Variants in PRDM16 observed in about 807,000 individuals in gnomAD.
PRDM16 encodes the protein histone-lysine N-methyltransferase PRDM16.
In PRDM16, 23 loss-of-function variants were observed where a neutral mutation model predicts 110.6. The observed-to-expected ratio is 0.21, with a 90% confidence interval of 0.15 to 0.29. The LOEUF (loss-of-function observed/expected upper bound fraction) is 0.29, where lower values mean the gene tolerates loss of function less well. PRDM16 is among the 10% of genes least tolerant of loss of function. The pLI is 1.00. For missense variants in PRDM16, 1,615 were observed against 1,794.3 expected (o/e 0.90, Z 1.81); for synonymous variants, 799 against 781.8 (o/e 1.02, Z -0.37).
intron 2 of PRDM16, among the ~76,000 whole-genome samples, chr1:3,227,900 A>G (rs1488288864): frequency 2.6e-5 from 4 of 151,638 alleles, no homozygotes; most frequent in Non-Finnish European, 4.4e-5. Context: ...CCATCACGAC[A>G]AGTGCCAACA....
chr1:3,070,438 C>G (rs1389766574), intron 1 of PRDM16, among the ~76,000 whole-genome samples: 1 of 148,334 alleles, frequency 6.7e-6, no homozygotes, highest in Non-Finnish European at 1.5e-5. Context: ...CAGCGCGGCT[C>G]CCGCAGCCCC....
intron 3 of PRDM16, among the ~76,000 whole-genome samples, chr1:3,320,796 G>A (rs902567157): frequency 3.3e-5 from 5 of 152,212 alleles, no homozygotes; most frequent in Admixed American, 6.5e-5. Context: ...CTGCTGCTGT[G>A]GCAGGAAGAG....
chr1:3,269,426 A>AGG (rs1640376650), intron 3 of PRDM16, among the ~76,000 whole-genome samples: 1 of 146,240 alleles, frequency 6.8e-6, no homozygotes, highest in Non-Finnish European at 1.5e-5. Flanking sequence ...GGACAGTCCC[A>AGG]GAGGAGCACA....
chr1:3,101,306 C>T (rs796531113), intron 1 of PRDM16, among the ~76,000 whole-genome samples: 7 of 152,188 alleles, frequency 4.6e-5, no homozygotes, highest in African/African-American at 1.4e-4. Context: ...ATGAGGGCCG[C>T]GAGGCAGTGC....
rs1443125546 is a variant in PRDM16 at position 3,435,243 on chromosome 1, ATTCAT to A, written c.*1436_*1440del. 2.3e-5 allele frequency: 5 copies of A among 221,412 alleles called. No homozygotes were observed. Among genetic ancestry groups the A allele is most frequent in the African/African-American group, 1.1e-4 (5 of 44,636 alleles). 13.7% of individuals were successfully genotyped at this position (221,412 alleles called of 1,614,324 possible). A position where few individuals can be genotyped will look rare whatever the true frequency, so the allele number is the denominator to read the frequency against. On this transcript the variant is annotated 3_prime_UTR_variant, in exon 17 of 17. Coordinates refer to ENST00000270722, the MANE Select transcript of PRDM16 (RefSeq NM_022114.4). Reference sequence around the variant, plus strand: ...TGTATATAACTTGTAATTTTTTCTAATTCATTTCTTTTCTTATTTTATTTCCTCCT... The same window carrying A: ...TGTATATAACTTGTAATTTTTTCTAATTCTTTTCTTATTTTATTTCCTCCT...
chr1:3,395,177 A>G (rs1016065663), intron 4 of PRDM16, among the ~76,000 whole-genome samples: 2 of 151,104 alleles, frequency 1.3e-5, no homozygotes, highest in African/African-American at 4.9e-5. Flanking sequence ...GAAATTCACA[A>G]TGTGGGGGAC....
Position 3,092,192 on chromosome 1 carries a change from G to C in PRDM16, c.37+22896G>C, listed in dbSNP as rs142482699. Reference sequence around the variant, plus strand: ...CACCACGACTGTGCCTGGGGCCCCAGGTGGTGGGTGACGTGGTATGGCTCT... The same window carrying C: ...CACCACGACTGTGCCTGGGGCCCCACGTGGTGGGTGACGTGGTATGGCTCT... On this transcript the variant is annotated intron_variant, in intron 1 of 16. Coordinates refer to ENST00000270722, the MANE Select transcript of PRDM16 (RefSeq NM_022114.4). Among the ~76,000 whole-genome samples the C allele has an allele frequency of 2.1e-3, 324 of 152,274 alleles. 5 individuals are homozygous for C. The East Asian group carries it at 0.055, about 26-fold the overall frequency.
intron 1 of PRDM16, among the ~76,000 whole-genome samples, chr1:3,178,064 TGG>T (rs2100773068): frequency 6.6e-6 from 1 of 152,246 alleles, no homozygotes; most frequent in African/African-American, 2.4e-5. Flanking sequence ...GGCTCGGCCA[TGG>T]CTGGGTTTTA....
At chr1:3,085,275 C>T (rs779559707) in intron 1 of PRDM16, among the ~76,000 whole-genome samples, 15 of 152,294 alleles carry the variant, frequency 9.8e-5, no homozygotes, top group Non-Finnish European at 1.8e-4. Flanking sequence ...CCTAGAGCCA[C>T]GGCTATGGTG....
rs1446066091 is a variant in PRDM16, at chr1:3,148,899, C to T, written c.38-37226C>T. Among the ~76,000 whole-genome samples the T allele has an allele frequency of 6.6e-6, 1 of 152,198 alleles. No individual in the cohort carries two copies. The highest frequency in any genetic ancestry group is 1.5e-5 in the Non-Finnish European group (1 of 68,044). ...GTTCATCGTTCCAAAAAAGGAGGAT[C>T]CCAGTTGCGGAGGAAATGTTGGAGG... is the stretch of plus-strand genomic sequence containing the variant. On this transcript the variant is annotated intron_variant, in intron 1 of 16. Transcript: ENST00000270722. This position sits in a 1 kb window ranked among gnomAD's most constrained non-coding sequence, Gnocchi z 5.0.
At chr1:3,233,168 T>C (rs914366098) in intron 2 of PRDM16, among the ~76,000 whole-genome samples, 2 of 152,144 alleles carry the variant, frequency 1.3e-5, no homozygotes, top group African/African-American at 2.4e-5. Flanking sequence ...GGAGTGCCAG[T>C]GAGGGAGCCT....
chr1:3,376,122 A>G (rs1642986219), intron 3 of PRDM16, among the ~76,000 whole-genome samples: 1 of 152,072 alleles, frequency 6.6e-6, no homozygotes, highest in African/African-American at 2.4e-5. Flanking sequence ...GTGAGCCTCC[A>G]TGTTTGCAGG....
At chr1:3,299,444 T>C (rs1252387044) in intron 3 of PRDM16, among the ~76,000 whole-genome samples, 1 of 107,500 alleles carries the variant, frequency 9.3e-6, no homozygotes, top group Non-Finnish European at 2.1e-5. Flanking sequence ...ATCCCAGTCG[T>C]GGTGACTCTG....
chr1:3,409,722 G>A (rs367776493), intron 8 of PRDM16, among the ~76,000 whole-genome samples: 1 of 148,512 alleles, frequency 6.7e-6, no homozygotes, highest in African/African-American at 2.5e-5. Flanking sequence ...TGGTTTGTGT[G>A]GTGTGTGTAG....
rs1638830000 is a variant in PRDM16, at chr1:3,209,473, A to G, written c.387+22999A>G. ...CGCGTGAATGCCTGTGTCCCCCGGG[A>G]CAGCCAGGGAGGCAGGAGGCCAGGC... On this transcript the variant is annotated intron_variant, in intron 2 of 16. Coordinates refer to ENST00000270722, the MANE Select transcript of PRDM16 (RefSeq NM_022114.4). This position sits in a 1 kb window ranked among gnomAD's most constrained non-coding sequence, Gnocchi z 4.6. Among the ~76,000 whole-genome samples the G allele has an allele frequency of 6.6e-6, 1 of 152,122 alleles. No homozygotes were observed. Among genetic ancestry groups the G allele is most frequent in the African/African-American group, 2.4e-5 (1 of 41,424 alleles).
At chr1:3,120,307 G>A (rs890380380) in intron 1 of PRDM16, among the ~76,000 whole-genome samples, 6 of 152,194 alleles carry the variant, frequency 3.9e-5, no homozygotes, top group Non-Finnish European at 5.9e-5. Context: ...CGGGGCACTG[G>A]AAGATTCCAG....
chr1:3,310,994 C>T (rs1452742283), intron 3 of PRDM16, among the ~76,000 whole-genome samples: 8 of 151,700 alleles, frequency 5.3e-5, no homozygotes, highest in East Asian at 1.9e-4. Context: ...TGTGTGCGTG[C>T]GTATGTGTGT....
At position 3,405,522 on chromosome 1, in the gene PRDM16, C is replaced by T. The variant is rs1186759293; in HGVS notation, c.1060C>T (p.Arg354Trp). The change falls in exon 8 of 17, where the codon CGG becomes TGG. Residue 354 changes from arginine (R) to tryptophan (W), a missense_variant. Arg to Trp is a moderately radical substitution (Grantham distance 101). Coordinates refer to ENST00000270722, the MANE Select transcript of PRDM16 (RefSeq NM_022114.4). ...KVFTDPSNLQ[R>W]HIRSQHVGAR... ...GTTCACGGACCCCAGCAACCTTCAG[C>T]GGCACATCCGCTCGCAGCACGTGGG... The T allele has an allele frequency of 2.5e-6, 4 of 1,597,816 alleles. No homozygotes were observed. The highest frequency in any genetic ancestry group is 3.4e-6 in the Non-Finnish European group (4 of 1,172,148).
intron 3 of PRDM16, among the ~76,000 whole-genome samples, chr1:3,303,653 C>T (rs1159855242): frequency 6.6e-6 from 1 of 152,208 alleles, no homozygotes; most frequent in Non-Finnish European, 1.5e-5. Context: ...TTCTCCATGG[C>T]GGCTGCACCG....
Sources: allele counts gnomAD v4.1 joint callset (sites outside exome capture counted in the v4.1 genomes callset), GRCh38; gene constraint gnomAD v4.1.1; non-coding constraint Gnocchi (gnomAD v3.1); transcripts MANE v1.5; gene names NCBI Gene and HGNC (gene_info 2026-07-23, HGNC 2026-07-21).